The following DLGAP2 variants were observed in gnomAD, a reference collection of about 807,000 sequenced individuals.
DLGAP2 encodes disks large-associated protein 2.
A neutral mutation model predicts 100.3 loss-of-function variants in DLGAP2; 26 were observed. That is an observed-to-expected ratio of 0.26 (90% CI 0.19 to 0.36). The LOEUF (loss-of-function observed/expected upper bound fraction) is 0.36. Among genes scored for constraint, DLGAP2 ranks in the 10% least tolerant of loss-of-function variants. The probability of loss-of-function intolerance (pLI) is 1.00; values close to 1 mark genes in which losing one functional copy is unlikely to be tolerated. For synonymous variants in DLGAP2, 886 were observed against 630.1 expected, an observed-to-expected ratio of 1.41 and a Z score of -6.08; for missense variants, 1,858 against 1,453.2, an observed-to-expected ratio of 1.28 and a Z score of -4.53.
At chr8:1,474,525 G>A (rs191312134) in intron 3 of DLGAP2, among the ~76,000 whole-genome samples, 66 of 152,116 alleles carry the variant, frequency 4.3e-4, no homozygotes, top group African/African-American at 1.1e-3. Flanking sequence ...TTTTTATCAC[G>A]TCCACGCCAA....
chr8:791,800 T>C (rs1822034282), intron 1 of DLGAP2, among the ~76,000 whole-genome samples: 1 of 152,216 alleles, frequency 6.6e-6, no homozygotes, highest in South Asian at 2.1e-4. Flanking sequence ...TCACTTTTGC[T>C]GGTGTTTTCT....
intron 3 of DLGAP2, among the ~76,000 whole-genome samples, chr8:1,284,457 C>T (rs1030537670): frequency 4.6e-5 from 7 of 152,072 alleles, no homozygotes; most frequent in Admixed American, 2.6e-4. Context: ...TGGGCTCCAG[C>T]GCTAACGTAA....
chr8:1,261,582 G>C (rs919662822), intron 3 of DLGAP2, among the ~76,000 whole-genome samples: 1 of 151,734 alleles, frequency 6.6e-6, no homozygotes, highest in African/African-American at 2.4e-5. Flanking sequence ...CTGGGCAGTG[G>C]GGGGTGGGGC....
chr8:1,058,184 C>T (rs918333811), intron 2 of DLGAP2, among the ~76,000 whole-genome samples: 1 of 152,066 alleles, frequency 6.6e-6, no homozygotes, highest in African/African-American at 2.4e-5. Context: ...GCCGGATTGA[C>T]TAGCGGCGGG....
chr8:950,537 A>C (rs755049541), intron 2 of DLGAP2, among the ~76,000 whole-genome samples: 48 of 152,286 alleles, frequency 3.2e-4, no homozygotes, highest in Non-Finnish European at 6.8e-4. Context: ...GTAAGAGCGA[A>C]ATCTAAACCT....
intron 2 of DLGAP2, among the ~76,000 whole-genome samples, chr8:1,226,844 G>C (rs1480810151): frequency 6.6e-6 from 1 of 152,002 alleles, no homozygotes; most frequent in Non-Finnish European, 1.5e-5. Flanking sequence ...AAATAGCATA[G>C]CTATGAAAAG....
Position 1,618,944 on chromosome 8 carries a change from G to A in DLGAP2, c.1443-7796G>A, listed in dbSNP as rs62485548. Among the ~76,000 whole-genome samples, 282 of 152,266 alleles carry A rather than the reference G, an allele frequency of 1.9e-3. 1 individual carries two copies. Among genetic ancestry groups the A allele is most frequent in the Non-Finnish European group, 2.5e-3 (168 of 68,018 alleles). On this transcript the variant is annotated intron_variant, in intron 6 of 14. Transcript: ENST00000637795. ...CCATACATCACCAGATGTCCCTTGAGGGCCTAATCGCCCCAGATTAAGAAC... is the reference window on the plus strand; with the variant it reads ...CCATACATCACCAGATGTCCCTTGAAGGCCTAATCGCCCCAGATTAAGAAC...
At chr8:1,446,496 C>G (rs996738499) in intron 3 of DLGAP2, among the ~76,000 whole-genome samples, 3 of 152,020 alleles carry the variant, frequency 2.0e-5, no homozygotes, top group African/African-American at 7.3e-5. Context: ...TTACTGTTGC[C>G]TTGTAGTATA....
rs373736262 is a variant in DLGAP2 at position 1,536,706 on chromosome 8, G to C, written c.173-11920G>C. 6.1e-4 allele frequency among the ~76,000 whole-genome samples: 93 copies of C among 152,292 alleles called. 1 individual carries two copies. The South Asian group carries it at 0.018, about 30-fold the overall frequency. ...GACTCTGAATCTGAACCCGCGTTTG[G>C]TCTCATATTCATTTTGTCTCCCTTT... On this transcript the variant is annotated intron_variant, in intron 4 of 14. Coordinates refer to ENST00000637795, the MANE Select transcript of DLGAP2 (RefSeq NM_001346810.2).
intron 2 of DLGAP2, chr8:1,250,257 C>T (rs918807509): frequency 3.9e-5 from 6 of 152,162 alleles, no homozygotes; most frequent in South Asian, 2.1e-4. Context: ...CATTTCAGGA[C>T]GTGACAATGG....
At chr8:813,157 T>A (rs574355870) in intron 1 of DLGAP2, among the ~76,000 whole-genome samples, 1 of 152,312 alleles carries the variant, frequency 6.6e-6, no homozygotes, top group Non-Finnish European at 1.5e-5. Context: ...AACATAAAAT[T>A]GCTATATTTT....
intron 2 of DLGAP2, among the ~76,000 whole-genome samples, chr8:1,225,512 G>A (rs1273631775): frequency 6.6e-6 from 1 of 152,196 alleles, no homozygotes; most frequent in African/African-American, 2.4e-5. Flanking sequence ...AGAGCTGGTT[G>A]AACAACACGT....
intron 1 of DLGAP2, among the ~76,000 whole-genome samples, chr8:850,592 G>A (rs1460045776): frequency 1.3e-5 from 2 of 152,266 alleles, no homozygotes; most frequent in South Asian, 2.1e-4. Context: ...AAATGAGGCT[G>A]TTGCTTGAAT....
At chr8:1,203,626 AAGAAG>A (rs1198246372) in intron 2 of DLGAP2, among the ~76,000 whole-genome samples, 2 of 152,194 alleles carry the variant, frequency 1.3e-5, no homozygotes, top group Non-Finnish European at 2.9e-5. Flanking sequence ...TCCTACAGAT[AAGAAG>A]AGATGTCTTT....
chr8:1,212,016 C>T (rs892351375), intron 2 of DLGAP2, among the ~76,000 whole-genome samples: 3 of 152,258 alleles, frequency 2.0e-5, no homozygotes, highest in African/African-American at 7.2e-5. Context: ...CTTGGTCCTT[C>T]ACCTGATTCA....
chr8:1,653,052 ACC>A (rs2130812670), intron 8 of DLGAP2, among the ~76,000 whole-genome samples: 1 of 152,294 alleles, frequency 6.6e-6, no homozygotes, highest in African/African-American at 2.4e-5. Flanking sequence ...TTTTCAGGGT[ACC>A]ACTGTAAATG....
intron 2 of DLGAP2, among the ~76,000 whole-genome samples, chr8:1,232,647 A>G (rs983028675): frequency 6.6e-5 from 10 of 152,166 alleles, no homozygotes; most frequent in African/African-American, 4.8e-5. Context: ...TCATGTAGGC[A>G]TTTCATTTCT....
At chr8:1,432,349 A>G (rs1797476339) in intron 3 of DLGAP2, among the ~76,000 whole-genome samples, 1 of 152,184 alleles carries the variant, frequency 6.6e-6, no homozygotes, top group Non-Finnish European at 1.5e-5. Context: ...ATGCACCTTA[A>G]AAAAATAATG....
intron 3 of DLGAP2, chr8:1,369,483 A>G (rs928800675): frequency 6.6e-6 from 1 of 152,192 alleles, no homozygotes. Flanking sequence ...TCTGGGGGCC[A>G]CATTTCAGCC....
Sources: allele counts gnomAD v4.1 joint callset (sites outside exome capture counted in the v4.1 genomes callset), GRCh38; gene constraint gnomAD v4.1.1; transcripts MANE v1.5; gene names NCBI Gene and HGNC (gene_info 2026-07-23, HGNC 2026-07-21).